Variants in PLCXD3 observed in about 807,000 individuals in gnomAD.
PLCXD3 encodes PI-PLC X domain-containing protein 3.
In PLCXD3, 19 loss-of-function variants were observed where a neutral mutation model predicts 25.5. The ratio of observed to expected loss-of-function variants is 0.75; its 90% CI spans 0.52 to 1.09. The LOEUF is 1.09. Among genes scored for constraint, PLCXD3 ranks in the 50% least tolerant of loss-of-function variants. The pLI, the probability that PLCXD3 is intolerant of heterozygous loss-of-function variation, is 0.00. For synonymous variants in PLCXD3, 174 were observed against 137.6 expected (o/e 1.26, Z -1.85); for missense variants, 411 against 388.1 (o/e 1.06, Z -0.50).
intron 1 of PLCXD3, among the ~76,000 whole-genome samples, chr5:41,493,368 C>T (rs893925994): frequency 4.6e-5 from 7 of 152,210 alleles, no homozygotes; most frequent in Middle Eastern, 3.2e-3. Flanking sequence ...AGTTAGGCTG[C>T]TCAGGGGTCA....
rs749397785 is a variant in PLCXD3, at chr5:41,382,430, T to G, written c.208A>C (p.Lys70Gln). The change falls in exon 2 of 3, where the codon AAA (lysine) becomes CAA (glutamine). Residue 70 changes from lysine to glutamine, a missense_variant. By Grantham distance (53) the Lys-to-Gln change is moderately conservative (BLOSUM62 1). Coordinates refer to ENST00000377801, the MANE Select transcript of PLCXD3 (RefSeq NM_001005473.3). Reference sequence around the variant, plus strand: ...GCTAACCATTTCCGCATGAGCTTTTTGGCCACAGTTCCAAACACAGAGACA... The same window carrying G: ...GCTAACCATTTCCGCATGAGCTTTTGGGCCACAGTTCCAAACACAGAGACA... ...NFVSVFGTVA[K>Q]KLMRKWLATQ... The G allele has an allele frequency of 5.0e-6, 8 of 1,613,472 alleles. No homozygotes were observed. In the South Asian group the frequency reaches 7.7e-5, roughly 16 times the overall value.
chr5:41,510,375 C>T (rs751624190), intron 1 of PLCXD3, 49 bp downstream of exon 1: 2 of 1,470,220 alleles, frequency 1.4e-6, no homozygotes, highest in African/African-American at 1.4e-5. Context: ...CAGGGCGGGG[C>T]AGGTGGAGCG....
At chr5:41,479,729 A>AAGAGAG (rs951209823) in intron 1 of PLCXD3, among the ~76,000 whole-genome samples, 1 of 138,672 alleles carries the variant, frequency 7.2e-6, no homozygotes, top group African/African-American at 2.8e-5. Context: ...GAGAGAGAGA[A>AAGAGAG]AGAGAGAGAG....
chr5:41,428,841 G>A (rs1454911556), intron 1 of PLCXD3, among the ~76,000 whole-genome samples: 1 of 152,084 alleles, frequency 6.6e-6, no homozygotes, highest in East Asian at 1.9e-4. Context: ...AGATGCTGAG[G>A]AAAGGTGGTT....
chr5:41,420,754 A>G (rs116032278), intron 1 of PLCXD3, among the ~76,000 whole-genome samples: 1 of 152,336 alleles, frequency 6.6e-6, no homozygotes, highest in African/African-American at 2.4e-5. Context: ...CACAGATACA[A>G]AATGGCGTTG....
intron 1 of PLCXD3, among the ~76,000 whole-genome samples, chr5:41,480,274 G>A (rs573696748): frequency 2.0e-3 from 303 of 152,226 alleles, no homozygotes; most frequent in Non-Finnish European, 3.4e-3. Context: ...AAGGACCAAT[G>A]AGTCACCCAT....
At chr5:41,349,219 A>G (rs894558957) in intron 2 of PLCXD3, among the ~76,000 whole-genome samples, 11 of 152,180 alleles carry the variant, frequency 7.2e-5, no homozygotes, top group Non-Finnish European at 1.2e-4. Context: ...TTTGTTTCCA[A>G]AGCAAGATTT....
At chr5:41,480,635 A>G (rs1748387297) in intron 1 of PLCXD3, among the ~76,000 whole-genome samples, 1 of 152,070 alleles carries the variant, frequency 6.6e-6, no homozygotes, top group South Asian at 2.1e-4. Context: ...AGTATAGCAT[A>G]GTGGGCCAGG....
At chr5:41,442,020 AT>A (rs1403498826) in intron 1 of PLCXD3, among the ~76,000 whole-genome samples, 4 of 152,214 alleles carry the variant, frequency 2.6e-5, no homozygotes, top group African/African-American at 9.6e-5. Context: ...ACCATTTTAG[AT>A]TCTCCACTAT....
intron 1 of PLCXD3, among the ~76,000 whole-genome samples, chr5:41,406,733 T>A (rs1746362545): frequency 6.6e-6 from 1 of 152,194 alleles, no homozygotes. Flanking sequence ...CCTCTGTAGC[T>A]TTCCCTTCAT....
At chr5:41,329,759 T>G (rs1317056892) in intron 2 of PLCXD3, among the ~76,000 whole-genome samples, 4 of 150,274 alleles carry the variant, frequency 2.7e-5, no homozygotes, top group Non-Finnish European at 5.9e-5. Flanking sequence ...AAGAGTAAAG[T>G]TTATTAGAAT....
intron 2 of PLCXD3, among the ~76,000 whole-genome samples, chr5:41,342,160 C>T (rs1370719834): frequency 6.6e-6 from 1 of 152,084 alleles, no homozygotes; most frequent in Non-Finnish European, 1.5e-5. Flanking sequence ...TCCATATATC[C>T]TTTAATTGAT....
chr5:41,315,111 G>A (rs1743251017), intron 2 of PLCXD3, among the ~76,000 whole-genome samples: 1 of 152,124 alleles, frequency 6.6e-6, no homozygotes, highest in Admixed American at 6.6e-5. Context: ...AATGGATCCA[G>A]GCAGACAGAT....
chr5:41,371,128 A>G (rs1231127775), intron 2 of PLCXD3, among the ~76,000 whole-genome samples: 2 of 152,188 alleles, frequency 1.3e-5, no homozygotes, highest in Admixed American at 1.3e-4. Flanking sequence ...CTCATTATCA[A>G]AATGGTCTGG....
In PLCXD3 at chr5:41,346,948, T is replaced by G. The variant is rs150031027; in HGVS notation, c.813-33178A>C. Reference sequence around the variant, plus strand: ...CCTTCTAAGTTTTGGCAATTGTGAATAAAGCTGTTATCAACATCCACGTGC... The same window carrying G: ...CCTTCTAAGTTTTGGCAATTGTGAAGAAAGCTGTTATCAACATCCACGTGC... On this transcript the variant is annotated intron_variant, in intron 2 of 2. Coordinates refer to ENST00000377801, the MANE Select transcript of PLCXD3 (RefSeq NM_001005473.3). 7.0e-4 allele frequency among the ~76,000 whole-genome samples: 106 copies of G among 152,372 alleles called. 4 individuals are homozygous for G. The highest frequency in any genetic ancestry group is 2.4e-3 in the African/African-American group (98 of 41,592).
intron 2 of PLCXD3, among the ~76,000 whole-genome samples, chr5:41,355,110 A>G (rs72755980): frequency 0.029 from 4,423 of 152,280 alleles, 83 homozygotes; most frequent in Non-Finnish European, 0.043. Context: ...TTACTCCAAG[A>G]CAAACCTCAC....
intron 2 of PLCXD3, among the ~76,000 whole-genome samples, chr5:41,355,987 AC>A (rs1487169701): frequency 6.6e-6 from 1 of 151,998 alleles, no homozygotes; most frequent in African/African-American, 2.4e-5. Flanking sequence ...TATCTTTGTT[AC>A]CCAATAACTT....
chr5:41,313,614 C>A lies in PLCXD3; in HGVS notation c.*3G>T, dbSNP rs771620998. 2 of 1,613,710 alleles carry A rather than the reference C, an allele frequency of 1.2e-6. No homozygotes were observed. The highest frequency in any genetic ancestry group is 2.2e-5 in the South Asian group (2 of 91,070). On this transcript the variant is annotated 3_prime_UTR_variant, in exon 3 of 3. Transcript: ENST00000377801. ...TTATTCATGGAAACTCCAAGTAGTG[C>A]TATCAAGTGTTGGCTTCTCCTTCAT... is the stretch of plus-strand genomic sequence containing the variant.
intron 1 of PLCXD3, among the ~76,000 whole-genome samples, chr5:41,417,111 C>G (rs1459261805): frequency 6.6e-6 from 1 of 152,120 alleles, no homozygotes; most frequent in Non-Finnish European, 1.5e-5. Context: ...CCTTGCTGAG[C>G]TATTACGATA....
Sources: gnomAD v4.1 joint callset for allele counts (sites outside exome capture counted in the v4.1 genomes callset) on GRCh38, gnomAD v4.1.1 for gene constraint, MANE v1.5 for transcripts, NCBI Gene and HGNC (gene_info 2026-07-23, HGNC 2026-07-21) for gene names.